The following CSMD1 variants were observed in gnomAD, a reference collection of about 807,000 sequenced individuals.
The protein encoded by CSMD1 is CUB and Sushi multiple domains 1, also known as CUB and sushi domain-containing protein 1.
Under a neutral mutation model 417.5 loss-of-function variants are expected in CSMD1, and 213 were observed. That is an observed-to-expected ratio of 0.51 (90% CI 0.46 to 0.57). The LOEUF (loss-of-function observed/expected upper bound fraction) is 0.57. Ranked by LOEUF, CSMD1 falls within the 20% of genes least tolerant of loss-of-function variation. The pLI is 0.00. For missense variants in CSMD1, 6,923 were observed against 4,529.7 expected (o/e 1.53, Z -15.17); for synonymous variants, 2,862 against 1,736.8 (o/e 1.65, Z -16.11).
intron 10 of CSMD1, among the ~76,000 whole-genome samples, chr8:3,563,620 G>C (rs756928345): frequency 7.9e-5 from 12 of 152,104 alleles, no homozygotes; most frequent in Admixed American, 7.2e-4. Flanking sequence ...GCCTGGCACA[G>C]TGGCTCATAC....
intron 54 of CSMD1, among the ~76,000 whole-genome samples, chr8:2,997,034 T>C (rs1806959232): frequency 6.6e-6 from 1 of 152,224 alleles, no homozygotes; most frequent in Admixed American, 6.5e-5. Context: ...GGTCAGGGGC[T>C]GGGGCTCGGC....
At chr8:3,887,014 G>C (rs991824909) in intron 5 of CSMD1, among the ~76,000 whole-genome samples, 1 of 152,108 alleles carries the variant, frequency 6.6e-6, no homozygotes, top group African/African-American at 2.4e-5. Context: ...GTACCACATG[G>C]ACTTCAGTGA....
chr8:4,826,467 T>G (rs766251209), intron 1 of CSMD1, among the ~76,000 whole-genome samples: 33 of 152,258 alleles, frequency 2.2e-4, no homozygotes, highest in South Asian at 2.1e-4. Context: ...ATTTTTAGTT[T>G]CTTTGATTTT....
At chr8:3,494,755 G>A (rs965789879) in intron 10 of CSMD1, among the ~76,000 whole-genome samples, 1 of 152,184 alleles carries the variant, frequency 6.6e-6, no homozygotes, top group South Asian at 2.1e-4. Flanking sequence ...GAAGGCGGAA[G>A]AGAGAAGGGA....
chr8:3,754,249 T>G (rs1335500226), intron 5 of CSMD1, among the ~76,000 whole-genome samples: 1 of 152,178 alleles, frequency 6.6e-6, no homozygotes, highest in African/African-American at 2.4e-5. Context: ...CTAGATGGAA[T>G]GAATGTTTTC....
chr8:4,705,033 T>C (rs1022935980), intron 1 of CSMD1, among the ~76,000 whole-genome samples: 1 of 152,208 alleles, frequency 6.6e-6, no homozygotes, highest in Non-Finnish European at 1.5e-5. Context: ...GTAGTTATTT[T>C]TCCCATGCTG....
intron 3 of CSMD1, among the ~76,000 whole-genome samples, chr8:4,345,548 C>A (rs1800731098): frequency 6.6e-6 from 1 of 151,942 alleles, no homozygotes; most frequent in Non-Finnish European, 1.5e-5. Flanking sequence ...GAAATATATG[C>A]AAATCACTCA....
intron 5 of CSMD1, among the ~76,000 whole-genome samples, chr8:3,920,747 A>ACATTT (rs111795345): frequency 6.6e-6 from 1 of 151,754 alleles, no homozygotes; most frequent in African/African-American, 2.4e-5. Context: ...TATAAATATC[A>ACATTT]TATTTTGTTA....
At chr8:4,653,814 C>G (rs193255333) in intron 1 of CSMD1, among the ~76,000 whole-genome samples, 1 of 152,122 alleles carries the variant, frequency 6.6e-6, no homozygotes, top group African/African-American at 2.4e-5. Flanking sequence ...TTGCAAATAA[C>G]TAATCTTTAT....
chr8:3,709,935 G>C (rs1801412493), intron 6 of CSMD1, among the ~76,000 whole-genome samples: 2 of 46 alleles, frequency 0.043, no homozygotes, highest in African/African-American at 0.1. Flanking sequence ...AGCATACAAG[G>C]GGTTGGGGCA....
chr8:4,618,675 A>G (rs1318388674), intron 2 of CSMD1, among the ~76,000 whole-genome samples: 1 of 152,128 alleles, frequency 6.6e-6, no homozygotes, highest in Non-Finnish European at 1.5e-5. Context: ...TCAATCAAAC[A>G]TCACTCTAGC....
At chr8:4,562,115 G>A (rs1043061412) in intron 2 of CSMD1, among the ~76,000 whole-genome samples, 1 of 152,214 alleles carries the variant, frequency 6.6e-6, no homozygotes, top group African/African-American at 2.4e-5. Context: ...GGAGGGAAGA[G>A]TGTAGGAAAA....
chr8:4,034,054 C>T (rs927560456), intron 3 of CSMD1, among the ~76,000 whole-genome samples: 1 of 152,136 alleles, frequency 6.6e-6, no homozygotes, highest in East Asian at 1.9e-4. Context: ...TATTTCATGT[C>T]TGTATCCATT....
intron 2 of CSMD1, among the ~76,000 whole-genome samples, chr8:4,592,592 G>C (rs554790710): frequency 1.3e-5 from 2 of 151,912 alleles, no homozygotes; most frequent in African/African-American, 2.4e-5. Context: ...TCACCATGTT[G>C]GCCAGGCTGG....
At position 3,708,993 on chromosome 8, in the gene CSMD1, C is replaced by G. The variant is rs528868488; in HGVS notation, c.932-502G>C. ...GGAGCAAGTAGAGGAAAGGCATGCT[C>G]TACGTGCTGTAGATAAAGTGCTAGA... On this transcript the variant is annotated intron_variant, in intron 6 of 69. Coordinates refer to ENST00000635120, the MANE Select transcript of CSMD1 (RefSeq NM_033225.6). Among the ~76,000 whole-genome samples, 25 of 152,260 alleles carry G rather than the reference C, an allele frequency of 1.6e-4. No homozygotes were observed. In the South Asian group the frequency reaches 4.1e-3, roughly 25 times the overall value.
At chr8:3,521,822 A>T (rs1797521823) in intron 10 of CSMD1, among the ~76,000 whole-genome samples, 1 of 152,220 alleles carries the variant, frequency 6.6e-6, no homozygotes, top group Admixed American at 6.5e-5. Context: ...ACACCTTCTT[A>T]GCTTTAAGAA....
rs948526844 is a variant in CSMD1 at position 4,580,730 on chromosome 8, A to T, written c.302+56612T>A. Among the ~76,000 whole-genome samples the T allele has an allele frequency of 4.6e-5, 7 of 152,168 alleles. No homozygotes were observed. In the South Asian group the frequency reaches 1.5e-3, roughly 32 times the overall value. On this transcript the variant is annotated intron_variant, in intron 2 of 69. Coordinates refer to ENST00000635120, the MANE Select transcript of CSMD1 (RefSeq NM_033225.6). ...CCAGGAAGCCCTTCCTGATTAAATCACCCCAAATCAATCTCTCTCCCTTTG... is the reference window on the plus strand; with the variant it reads ...CCAGGAAGCCCTTCCTGATTAAATCTCCCCAAATCAATCTCTCTCCCTTTG...
intron 3 of CSMD1, among the ~76,000 whole-genome samples, chr8:4,058,043 T>C (rs1429288503): frequency 1.3e-5 from 2 of 151,964 alleles, no homozygotes; most frequent in African/African-American, 4.8e-5. Flanking sequence ...ATATGAATTT[T>C]AAAGTAGTTT....
At chr8:4,291,616 A>G (rs1585170605) in intron 3 of CSMD1, among the ~76,000 whole-genome samples, 1 of 152,114 alleles carries the variant, frequency 6.6e-6, no homozygotes, top group Non-Finnish European at 1.5e-5. Context: ...TTTTCTTGTG[A>G]TATGTTTCTT....
Sources: allele counts gnomAD v4.1 joint callset (sites outside exome capture counted in the v4.1 genomes callset), GRCh38; gene constraint gnomAD v4.1.1; transcripts MANE v1.5; gene names NCBI Gene and HGNC (gene_info 2026-07-23, HGNC 2026-07-21).